The following CATSPERB variants were observed in gnomAD, a reference collection of about 807,000 sequenced individuals.
CATSPERB encodes catsper channel auxiliary subunit beta.
CATSPERB carries 93 observed loss-of-function variants against 128.3 expected under a neutral mutation model. The observed-to-expected ratio is 0.72, with a 90% CI of 0.61 to 0.86. The LOEUF is 0.86. Ranked by LOEUF, CATSPERB falls within the 40% of genes least tolerant of loss-of-function variation. The pLI is 0.00. For missense variants in CATSPERB, 1,153 were observed against 1,329.5 expected (o/e 0.87, Z 2.06); for synonymous variants, 381 against 448.8 (o/e 0.85, Z 1.91).
chr14:91,590,926 C>T (rs939873099), intron 23 of CATSPERB, among the ~76,000 whole-genome samples: 2 of 152,142 alleles, frequency 1.3e-5, no homozygotes, highest in African/African-American at 4.8e-5. Flanking sequence ...GCTGGAATTA[C>T]AGGCGTGAGC....
chr14:91,613,452 A>G (rs1893871970), intron 20 of CATSPERB, among the ~76,000 whole-genome samples: 1 of 152,188 alleles, frequency 6.6e-6, no homozygotes, highest in Non-Finnish European at 1.5e-5. Flanking sequence ...TTCAGGGAAA[A>G]AAAAGAAAAT....
Position 91,712,072 on chromosome 14 carries a change from G to A in CATSPERB, c.371-3836C>T, listed in dbSNP as rs7158368. 4.5e-3 allele frequency among the ~76,000 whole-genome samples: 679 copies of A among 152,256 alleles called. 9 individuals are homozygous for A. Among genetic ancestry groups the A allele is most frequent in the African/African-American group, 0.015 (636 of 41,550 alleles). ...ATTTATTGGATGCAGATAAAGCAAT[G>A]CTTAGAGAGAAATATATAGCAGTAA... On this transcript the variant is annotated intron_variant, in intron 5 of 26. Transcript: ENST00000256343.
At position 91,672,194 on chromosome 14, in the gene CATSPERB, C is replaced by T. The variant is rs913248730; in HGVS notation, c.1128+673G>A. Among the ~76,000 whole-genome samples the T allele has an allele frequency of 3.9e-5, 6 of 152,190 alleles. 1 individual carries two copies. The Middle Eastern group carries it at 0.01, about 261-fold the overall frequency. On this transcript the variant is annotated intron_variant, in intron 13 of 26. Transcript: ENST00000256343. ...TGCAAGGCTCCACTCATTGAACATA[C>T]GAAGATGGAGGAAAGAGCTTTTTCC...
intron 1 of CATSPERB, among the ~76,000 whole-genome samples, 198 bp downstream of exon 1, chr14:91,731,732 T>A (rs1265819585): frequency 6.6e-6 from 1 of 152,198 alleles, no homozygotes; most frequent in Non-Finnish European, 1.5e-5. Flanking sequence ...TTTTACATAA[T>A]TACTGGATAC....
chr14:91,706,031 T>G (rs7144247), intron 6 of CATSPERB, among the ~76,000 whole-genome samples: 2 of 152,160 alleles, frequency 1.3e-5, no homozygotes, highest in Non-Finnish European at 2.9e-5. Context: ...ATTTCAAAAA[T>G]AGTCAAAGGA....
At chr14:91,587,344 A>C in intron 25 of CATSPERB, 68 bp from the exon 26 acceptor site, 1 of 1,183,564 alleles carries the variant, frequency 8.4e-7, no homozygotes, top group South Asian at 1.5e-5. Flanking sequence ...ATTAATAAAA[A>C]TATACCCTGG....
In CATSPERB at chr14:91,587,477, C is replaced by CTTTTTTTTTTTTT. The variant is rs3029803; in HGVS notation, c.3058-214_3058-202dup. Among the ~76,000 whole-genome samples the CTTTTTTTTTTTTT allele has an allele frequency of 1.2e-3, 120 of 101,534 alleles. 10 individuals carry two copies. The highest frequency in any genetic ancestry group is 3.4e-3 in the African/African-American group (90 of 26,624). 66.6% of individuals were successfully genotyped at this position (101,534 alleles called of 152,430 possible). On this transcript the variant is annotated intron_variant, in intron 25 of 26. Coordinates refer to ENST00000256343, the MANE Select transcript of CATSPERB (RefSeq NM_024764.4). ...AAGTGGAGGGATTCAATAGCTGATACTTTTTTTTTTTTTTTTTTTTTTTTT... is the reference window on the plus strand; with the variant it reads ...AAGTGGAGGGATTCAATAGCTGATACTTTTTTTTTTTTTTTTTTTTTTTTTTTTTTTTTTTTTT...
At chr14:91,581,185 A>G (rs1488574332) in intron 26 of CATSPERB, 78 bp from the exon 27 acceptor site, 9 of 1,189,506 alleles carry the variant, frequency 7.6e-6, no homozygotes, top group Non-Finnish European at 1.1e-5. Flanking sequence ...GTTCCCCACA[A>G]TTAATCGGAG....
At chr14:91,726,883 G>A (rs980806557) in intron 2 of CATSPERB, among the ~76,000 whole-genome samples, 2 of 152,124 alleles carry the variant, frequency 1.3e-5, no homozygotes, top group Admixed American at 6.5e-5. Context: ...CGCTGGAGCA[G>A]GAAGGGTCAA....
At chr14:91,692,802 A>T (rs1343002212) in intron 9 of CATSPERB, among the ~76,000 whole-genome samples, 1 of 152,202 alleles carries the variant, frequency 6.6e-6, no homozygotes, top group Non-Finnish European at 1.5e-5. Flanking sequence ...GTGGCTTTAT[A>T]AATTACCTTA....
intron 5 of CATSPERB, among the ~76,000 whole-genome samples, chr14:91,716,077 C>G (rs1895932652): frequency 1.3e-5 from 2 of 152,116 alleles, no homozygotes; most frequent in East Asian, 1.9e-4. Context: ...GATAAATTAG[C>G]CTTCAGCAAA....
chr14:91,692,624 A>G lies in CATSPERB; in HGVS notation c.831+502T>C, dbSNP rs1348171331. 2.0e-5 allele frequency among the ~76,000 whole-genome samples: 3 copies of G among 152,142 alleles called. No homozygotes were observed. The East Asian group carries it at 5.8e-4, about 29-fold the overall frequency. ...TCTATCTTTTCTCCTACCGATCCCAAGTCTTTATTGCTTGTCTCATCTCTG... is the reference window on the plus strand; with the variant it reads ...TCTATCTTTTCTCCTACCGATCCCAGGTCTTTATTGCTTGTCTCATCTCTG... On this transcript the variant is annotated intron_variant, in intron 9 of 26. Coordinates refer to ENST00000256343, the MANE Select transcript of CATSPERB (RefSeq NM_024764.4).
intron 11 of CATSPERB, among the ~76,000 whole-genome samples, chr14:91,681,569 A>C (rs1171874000): frequency 2.6e-5 from 4 of 152,232 alleles, no homozygotes; most frequent in African/African-American, 9.6e-5. Flanking sequence ...TCCCGCCTTT[A>C]GACCTAATAA....
intron 7 of CATSPERB, among the ~76,000 whole-genome samples, chr14:91,696,754 G>C (rs1343753294): frequency 6.6e-6 from 1 of 152,156 alleles, no homozygotes; most frequent in Non-Finnish European, 1.5e-5. Flanking sequence ...TTGCACAACA[G>C]ATGTAAGAGC....
intron 3 of CATSPERB, among the ~76,000 whole-genome samples, chr14:91,724,307 G>A (rs866232181): frequency 2.0e-5 from 3 of 152,094 alleles, no homozygotes; most frequent in African/African-American, 7.2e-5. Flanking sequence ...CTGTAAGTCC[G>A]TCTTCTTCCA....
chr14:91,650,572 A>G (rs988613643), intron 15 of CATSPERB, among the ~76,000 whole-genome samples: 4 of 152,180 alleles, frequency 2.6e-5, no homozygotes, highest in African/African-American at 9.7e-5. Context: ...AAATTGACTT[A>G]CATTTCCCAT....
At position 91,708,132 on chromosome 14, in the gene CATSPERB, G is replaced by T; in HGVS notation, c.466+9C>A. The T allele has an allele frequency of 6.3e-7, 1 of 1,578,190 alleles. No homozygotes were observed. The highest frequency in any genetic ancestry group is 8.7e-7 in the Non-Finnish European group (1 of 1,148,798). ...GAATTCCATTTTACTTCTGTCTGTT[G>T]GCATTTACCTCGAATAACATCCAAT... On this transcript the variant is annotated intron_variant, in intron 6 of 26. Coordinates refer to ENST00000256343, the MANE Select transcript of CATSPERB (RefSeq NM_024764.4).
intron 14 of CATSPERB, among the ~76,000 whole-genome samples, chr14:91,664,259 C>CT (rs750623098): frequency 0.21 from 23,460 of 112,778 alleles, 3,414 homozygotes; most frequent in Admixed American, 0.31. Flanking sequence ...TCTTCCATGT[C>CT]TTTTTTTTTT....
intron 10 of CATSPERB, 132 bp from the exon 11 acceptor site, chr14:91,684,075 T>C (rs1595177944): frequency 3.4e-6 from 2 of 580,994 alleles, no homozygotes; most frequent in East Asian, 6.0e-5. Context: ...AAAAATTGTA[T>C]GCAAATAAAA....
Sources: gnomAD v4.1 joint callset for allele counts (sites outside exome capture counted in the v4.1 genomes callset) on GRCh38, gnomAD v4.1.1 for gene constraint, MANE v1.5 for transcripts, NCBI Gene and HGNC (gene_info 2026-07-23, HGNC 2026-07-21) for gene names.